The following ST7 variants were observed in gnomAD, a reference collection of about 807,000 sequenced individuals.
ST7 encodes the protein suppressor of tumorigenicity 7 protein.
ST7 carries 28 observed loss-of-function variants against 78.7 expected under a neutral mutation model. That is an observed-to-expected ratio of 0.36 (90% confidence interval 0.26 to 0.49). ST7 has a LOEUF of 0.49. Ranked by LOEUF, ST7 falls within the 20% of genes least tolerant of loss-of-function variation. ST7 has a pLI of 0.99. For synonymous variants in ST7, 247 were observed against 249.6 expected (o/e 0.99, Z 0.10); for missense variants, 418 against 696.0 (o/e 0.60, Z 4.49).
chr7:117,067,999 TAG>T (rs1178237069), intron 1 of ST7, among the ~76,000 whole-genome samples: 1 of 152,182 alleles, frequency 6.6e-6, no homozygotes, highest in Non-Finnish European at 1.5e-5. Flanking sequence ...GCTTACATAT[TAG>T]TGTTTTGTTA....
intron 1 of ST7, among the ~76,000 whole-genome samples, chr7:117,071,554 G>C (rs545072317): frequency 6.6e-6 from 1 of 152,296 alleles, no homozygotes; most frequent in South Asian, 2.1e-4. Flanking sequence ...CTTTGCCAAA[G>C]TAAGATATTT....
intron 9 of ST7, among the ~76,000 whole-genome samples, chr7:117,156,703 A>C (rs969790893): frequency 2.0e-5 from 3 of 152,198 alleles, no homozygotes; most frequent in Non-Finnish European, 4.4e-5. Context: ...AGGCAAGAGT[A>C]AAACCAGGAA....
At chr7:117,001,824 C>T (rs796300399) in intron 1 of ST7, among the ~76,000 whole-genome samples, 106 of 152,074 alleles carry the variant, frequency 7.0e-4, no homozygotes, top group African/African-American at 2.6e-3. Flanking sequence ...TTTTGTTGTT[C>T]CACAAAGATA....
intron 9 of ST7, among the ~76,000 whole-genome samples, chr7:117,151,152 A>G (rs989025964): frequency 2.0e-5 from 3 of 152,208 alleles, no homozygotes; most frequent in Non-Finnish European, 2.9e-5. Context: ...AAGTAACTCA[A>G]ACTACTTTTT....
rs560700363 is a variant in ST7, at chr7:116,966,390, A to G, written c.151+12699A>G. ...TTCAGCCTCCTGAGTAGTTGGGATT[A>G]CAGGCACCTGCCACCACACCTGGCT... is the stretch of plus-strand genomic sequence containing the variant. On this transcript the variant is annotated intron_variant, in intron 1 of 15. Coordinates refer to ENST00000323984, the MANE Select transcript of ST7 (RefSeq NM_001369598.1). Among the ~76,000 whole-genome samples the G allele has an allele frequency of 6.8e-4, 103 of 151,666 alleles. 1 individual carries two copies. The highest frequency in any genetic ancestry group is 1.3e-3 in the Non-Finnish European group (91 of 67,900).
At chr7:117,001,735 C>T (rs1315638944) in intron 1 of ST7, among the ~76,000 whole-genome samples, 3 of 152,134 alleles carry the variant, frequency 2.0e-5, no homozygotes, top group East Asian at 3.9e-4. Flanking sequence ...GCATTAATAT[C>T]ATTACAGGGG....
At chr7:116,984,848 A>G (rs1040484291) in intron 1 of ST7, among the ~76,000 whole-genome samples, 3 of 152,148 alleles carry the variant, frequency 2.0e-5, no homozygotes, top group Non-Finnish European at 2.9e-5. Context: ...CAGACTTAAT[A>G]TTTACCCTAA....
At chr7:117,211,262 G>A (rs2116053810) in intron 13 of ST7, among the ~76,000 whole-genome samples, 1 of 152,288 alleles carries the variant, frequency 6.6e-6, no homozygotes, top group East Asian at 1.9e-4. Context: ...CCCCTCCTCA[G>A]TAAGTGTAAT....
At chr7:116,965,549 C>T (rs900824988) in intron 1 of ST7, among the ~76,000 whole-genome samples, 3 of 152,074 alleles carry the variant, frequency 2.0e-5, no homozygotes, top group African/African-American at 7.2e-5. Flanking sequence ...GCACGTTCTG[C>T]ACATGTATCC....
intron 1 of ST7, among the ~76,000 whole-genome samples, chr7:116,983,228 C>T (rs541694699): frequency 6.6e-6 from 1 of 152,186 alleles, no homozygotes; most frequent in Admixed American, 6.5e-5. Flanking sequence ...TAGTTCTTAT[C>T]TATCTCTCTT....
chr7:117,136,085 G>T lies in ST7; in HGVS notation c.715G>T (p.Ala239Ser). 1 of 1,613,212 alleles carries T rather than the reference G, an allele frequency of 6.2e-7. No individual in the cohort carries two copies. The highest frequency in any genetic ancestry group is 8.5e-7 in the Non-Finnish European group (1 of 1,179,436). The change falls in exon 8 of 16, where the codon GCA becomes TCA. Residue 239 changes from alanine to serine, a missense_variant. Ala to Ser is a moderately conservative substitution (Grantham distance 99). This residue lies in a region of ST7 where 288 missense variants were observed against 537.1 expected (regional missense o/e 0.54). Coordinates refer to ENST00000323984, the MANE Select transcript of ST7 (RefSeq NM_001369598.1). ...GGCTATTATCTGAATGAACAGGTGT[G>T]CAACTGCTTATATTCTCTTGGCTGA... ...IWEIKLLPKC[A>S]TAYILLAEEE... is the part of the protein sequence containing the mutation.
In ST7 at chr7:116,953,551, C is replaced by T. The variant is rs770090404; in HGVS notation, c.11C>T (p.Ala4Val). The part of the protein sequence containing the change: MAE[A>V]ATGFLEQLKS... ...GAGGAGCGCTGAAACATGGCTGAAGCGGCCACGGGCTTTCTGGAGCAGCTC... is the reference window on the plus strand; with the variant it reads ...GAGGAGCGCTGAAACATGGCTGAAGTGGCCACGGGCTTTCTGGAGCAGCTC... The change falls in exon 1 of 16, where the codon GCG becomes GTG. Residue 4 changes from alanine (A) to valine (V), a missense_variant. Ala to Val is a moderately conservative substitution (Grantham distance 64). Around this residue, in one of 4 missense-constraint regions of ST7, gnomAD observed 71 missense variants for 61.5 expected, o/e 1.16. Coordinates refer to ENST00000323984, the MANE Select transcript of ST7 (RefSeq NM_001369598.1). 43 of 1,412,186 alleles carry T rather than the reference C, an allele frequency of 3.0e-5. No individual in the cohort carries two copies. The highest frequency in any genetic ancestry group is 2.3e-4 in the Admixed American group (11 of 48,484). The allele number at this position is 1,412,186 out of a possible 1,614,324, so 87.5% of individuals were successfully genotyped here. A position where few individuals can be genotyped will look rare whatever the true frequency, so the allele number is the denominator to read the frequency against.
chr7:117,032,866 C>A (rs950461057), intron 1 of ST7, among the ~76,000 whole-genome samples: 3 of 152,186 alleles, frequency 2.0e-5, no homozygotes, highest in Non-Finnish European at 4.4e-5. Context: ...TCTATGCTGA[C>A]TTTCTCACCC....
chr7:117,047,007 C>T (rs146604192), intron 1 of ST7, among the ~76,000 whole-genome samples: 15 of 152,190 alleles, frequency 9.9e-5, no homozygotes, highest in Admixed American at 2.6e-4. Context: ...CAGAGCCTGC[C>T]GCATATTGAA....
chr7:117,122,537 A>C (rs1803480507), intron 3 of ST7, among the ~76,000 whole-genome samples: 1 of 152,220 alleles, frequency 6.6e-6, no homozygotes, highest in Middle Eastern at 3.2e-3. Context: ...TTTAATATTA[A>C]CATCTACTAG....
chr7:116,955,840 G>A (rs1455933032), intron 1 of ST7, among the ~76,000 whole-genome samples: 1 of 152,160 alleles, frequency 6.6e-6, no homozygotes, highest in Non-Finnish European at 1.5e-5. Flanking sequence ...GTTAATTTGT[G>A]TAGGGGCAGT....
chr7:117,061,603 C>A (rs1798356420), intron 1 of ST7, among the ~76,000 whole-genome samples: 1 of 151,854 alleles, frequency 6.6e-6, no homozygotes, highest in South Asian at 2.1e-4. Context: ...ACCAAAGGGC[C>A]TGAATTTTAT....
At chr7:117,017,141 C>T (rs1795654596) in intron 1 of ST7, among the ~76,000 whole-genome samples, 1 of 152,144 alleles carries the variant, frequency 6.6e-6, no homozygotes, top group South Asian at 2.1e-4. Context: ...GTGGCCTTTC[C>T]TGATAATTTT....
chr7:117,074,142 G>A (rs138100168), intron 1 of ST7, among the ~76,000 whole-genome samples: 2,878 of 152,290 alleles, frequency 0.019, 38 homozygotes, highest in Middle Eastern at 0.037. Flanking sequence ...TGTAATCCCA[G>A]CACGTTGGGA....
Sources: allele counts gnomAD v4.1 joint callset (sites outside exome capture counted in the v4.1 genomes callset), GRCh38; gene constraint gnomAD v4.1.1; regional missense constraint gnomAD v4.1.1; transcripts MANE v1.5; gene names NCBI Gene and HGNC (gene_info 2026-07-23, HGNC 2026-07-21).